The following LRRC9 variants were observed in gnomAD, a reference collection of about 807,000 sequenced individuals.
LRRC9 encodes leucine-rich repeat-containing protein 9.
LRRC9 carries 122 observed loss-of-function variants against 63.2 expected under a neutral mutation model. The ratio of observed to expected loss-of-function variants is 1.93; its 90% CI spans 1.67 to 2.24. LRRC9 has a LOEUF of 2.24. Ranked by LOEUF, LRRC9 falls within the 30% of genes most tolerant of loss-of-function variation. The probability of loss-of-function intolerance (pLI) is 0.00; values close to 1 mark genes in which losing one functional copy is unlikely to be tolerated. For synonymous variants in LRRC9, 366 were observed against 213.1 expected (o/e 1.72, Z -6.25); for missense variants, 1,071 against 627.7 (o/e 1.71, Z -7.55).
Position 59,996,581 on chromosome 14 carries a change from C to T in LRRC9, c.2212-1075C>T, listed in dbSNP as rs73306039. Among the ~76,000 whole-genome samples, 425 of 151,690 alleles carry T rather than the reference C, an allele frequency of 2.8e-3. 3 individuals are homozygous for T. The highest frequency in any genetic ancestry group is 9.8e-3 in the African/African-American group (407 of 41,338). On this transcript the variant is annotated intron_variant, in intron 17 of 31. Coordinates refer to ENST00000445360, the Ensembl canonical transcript of LRRC9. ...GATAAATAGCCAAAGACAAGAAAGG[C>T]AATAAACAAAAAAAGAATTTAAAAA...
chr14:60,032,467 T>C (rs1406697031), intron 29 of LRRC9, among the ~76,000 whole-genome samples: 1 of 152,118 alleles, frequency 6.6e-6, no homozygotes, highest in Non-Finnish European at 1.5e-5. Flanking sequence ...CACTTTTCTA[T>C]AAATTTTAGG....
At chr14:60,019,298 G>A (rs982710697) in intron 26 of LRRC9, 38 bp downstream of exon 26, 12 of 655,668 alleles carry the variant, frequency 1.8e-5, no homozygotes, top group African/African-American at 1.3e-4. Context: ...ACTAATTTTG[G>A]CTGGGAATTT....
At chr14:59,979,485 G>A (rs1172779615) in intron 15 of LRRC9, among the ~76,000 whole-genome samples, 3 of 151,988 alleles carry the variant, frequency 2.0e-5, no homozygotes, top group African/African-American at 2.4e-5. Context: ...GGTGGCGGGC[G>A]CCTGTAGTCC....
chr14:59,947,075 T>C (rs1370373057), intron 8 of LRRC9, among the ~76,000 whole-genome samples: 6 of 148,752 alleles, frequency 4.0e-5, no homozygotes, highest in Non-Finnish European at 1.5e-5. Context: ...CCCTGAGGAA[T>C]CGCCACACTG....
intron 29 of LRRC9, among the ~76,000 whole-genome samples, chr14:60,043,294 CTT>C (rs1202486827): frequency 1.3e-5 from 2 of 152,254 alleles, no homozygotes; most frequent in East Asian, 1.9e-4. Context: ...CTTTCTTTCT[CTT>C]GTCTAATTGC....
intron 8 of LRRC9, among the ~76,000 whole-genome samples, chr14:59,945,965 T>A (rs1330722559): frequency 6.6e-6 from 1 of 151,830 alleles, no homozygotes; most frequent in Non-Finnish European, 1.5e-5. Flanking sequence ...ACACACTAGA[T>A]ACCACTTATG....
At chr14:60,032,636 T>C (rs1404759842) in intron 29 of LRRC9, among the ~76,000 whole-genome samples, 1 of 152,114 alleles carries the variant, frequency 6.6e-6, no homozygotes, top group Non-Finnish European at 1.5e-5. Context: ...TCTAAACAGA[T>C]TGAGAAATAT....
At chr14:60,063,221 C>A in intron 31 of LRRC9, 102 bp from the exon 33 acceptor site, 1 of 653,952 alleles carries the variant, frequency 1.5e-6, no homozygotes. Flanking sequence ...TTGCGCACAT[C>A]TAAAATACAG....
intron 17 of LRRC9, among the ~76,000 whole-genome samples, chr14:59,993,732 G>A (rs1254362081): frequency 6.6e-6 from 1 of 152,196 alleles, no homozygotes; most frequent in Non-Finnish European, 1.5e-5. Context: ...TTACAGAATG[G>A]TAAAGGGATC....
chr14:60,032,740 A>G (rs1892093531), intron 29 of LRRC9, among the ~76,000 whole-genome samples: 1 of 152,178 alleles, frequency 6.6e-6, no homozygotes, highest in South Asian at 2.1e-4. Context: ...GATCACCCAG[A>G]TATAGAAAAT....
At chr14:60,001,255 C>T (rs1168097941) in intron 19 of LRRC9, among the ~76,000 whole-genome samples, 1 of 151,740 alleles carries the variant, frequency 6.6e-6, no homozygotes, top group African/African-American at 2.4e-5. Context: ...TGCATATACT[C>T]TAAAGAAACT....
intron 29 of LRRC9, among the ~76,000 whole-genome samples, chr14:60,045,736 C>G (rs901578933): frequency 1.3e-5 from 2 of 152,088 alleles, no homozygotes; most frequent in Non-Finnish European, 2.9e-5. Flanking sequence ...AGTAAACAAA[C>G]GCGTTCATGT....
At chr14:60,063,026 G>A (rs1894757763) in intron 31 of LRRC9, among the ~76,000 whole-genome samples, 2 of 151,880 alleles carry the variant, frequency 1.3e-5, no homozygotes, top group African/African-American at 4.8e-5. Flanking sequence ...CGAGTAGCTG[G>A]GATTACTACG....
At chr14:60,023,064 AT>A (rs1891238684) in intron 27 of LRRC9, among the ~76,000 whole-genome samples, 194 bp downstream of exon 27, 1 of 152,012 alleles carries the variant, frequency 6.6e-6, no homozygotes, top group Admixed American at 6.6e-5. Flanking sequence ...TCAATGCAGT[AT>A]TCTGAGAATA....
chr14:59,952,241 C>T (rs1011820840), intron 8 of LRRC9, among the ~76,000 whole-genome samples: 3 of 152,008 alleles, frequency 2.0e-5, no homozygotes, highest in Non-Finnish European at 1.5e-5. Flanking sequence ...GCGCAATATT[C>T]GGGTGGGAGT....
chr14:59,963,039 T>C (rs1884499309), intron 10 of LRRC9, among the ~76,000 whole-genome samples: 1 of 152,254 alleles, frequency 6.6e-6, no homozygotes, highest in Non-Finnish European at 1.5e-5. Flanking sequence ...AAGAAATAAC[T>C]ACTAAGTGCT....
intron 2 of LRRC9, 93 bp downstream of exon 2, chr14:59,928,084 A>T: frequency 1.6e-6 from 1 of 612,452 alleles, no homozygotes; most frequent in Non-Finnish European, 2.9e-6. Context: ...AGGGTTACTT[A>T]GTCATTTCCT....
At chr14:59,980,528 A>C (rs1016838506) in intron 15 of LRRC9, among the ~76,000 whole-genome samples, 1 of 152,170 alleles carries the variant, frequency 6.6e-6, no homozygotes, top group Non-Finnish European at 1.5e-5. Flanking sequence ...GCTCTATTTT[A>C]ATATCCTATT....
intron 29 of LRRC9, among the ~76,000 whole-genome samples, chr14:60,037,399 C>T (rs1024818160): frequency 1.3e-5 from 2 of 152,192 alleles, no homozygotes; most frequent in Admixed American, 6.5e-5. Context: ...AAAAGCGTTC[C>T]TATTTCTCCA....
Sources: gnomAD v4.1 joint callset for allele counts (sites outside exome capture counted in the v4.1 genomes callset) on GRCh38, gnomAD v4.1.1 for gene constraint, MANE v1.5 for transcripts, NCBI Gene and HGNC (gene_info 2026-07-23, HGNC 2026-07-21) for gene names.